The following C7 variants were observed in gnomAD, a reference collection of about 807,000 sequenced individuals.
The protein encoded by C7 is complement component C7.
A neutral mutation model predicts 104.8 loss-of-function variants in C7; 83 were observed. The ratio of observed to expected loss-of-function variants is 0.79; its 90% CI spans 0.66 to 0.95. The LOEUF is 0.95. Ranked by LOEUF, C7 falls within the 40% of genes least tolerant of loss-of-function variation. C7 has a pLI of 0.00. For synonymous variants in C7, 415 were observed against 360.6 expected (o/e 1.15, Z -1.71); for missense variants, 1,070 against 1,011.2 (o/e 1.06, Z -0.79).
chr5:40,966,005 T>A (rs1740543592), intron 14 of C7, among the ~76,000 whole-genome samples: 2 of 152,136 alleles, frequency 1.3e-5, no homozygotes, highest in Admixed American at 1.3e-4. Context: ...TCGTTAGCCA[T>A]TGGTTATATT....
In C7 at chr5:40,981,672, TCTC is replaced by T. The variant is rs2111737565; in HGVS notation, c.*101_*103del. ...TGGGCACTGGACAGCTTTTCCTTCT[TCTC>T]CAGTGTCTACCTTCCTCCTCAACTC... On this transcript the variant is annotated 3_prime_UTR_variant, in exon 18 of 18. Coordinates refer to ENST00000313164, the MANE Select transcript of C7 (RefSeq NM_000587.4). 2.4e-6 allele frequency: 2 copies of T among 817,098 alleles called. No homozygotes were observed. Among genetic ancestry groups the T allele is most frequent in the South Asian group, 4.2e-5 (2 of 48,186 alleles). 50.6% of individuals were successfully genotyped at this position (817,098 alleles called of 1,614,324 possible).
rs114886216 is a variant in C7 at position 40,976,730 on chromosome 5, T to A, written c.2075-20T>A. 2.6e-4 allele frequency: 402 copies of A among 1,554,620 alleles called. 1 individual carries two copies. In the African/African-American group the frequency reaches 5.0e-3, roughly 20 times the overall value. On this transcript the variant is annotated intron_variant, in intron 15 of 17. Transcript: ENST00000313164. ...AGAGGCTTTTCTCCTAACGACCACA[T>A]CTCCCTTATCCTTTTTTAGAAAATC...
At chr5:40,960,219 C>T (rs760416947) in intron 12 of C7, among the ~76,000 whole-genome samples, 23 of 152,040 alleles carry the variant, frequency 1.5e-4, no homozygotes, top group Non-Finnish European at 2.5e-4. Flanking sequence ...GAATCATAGC[C>T]CTGGGTCAGA....
At chr5:40,945,144 A>G in intron 6 of C7, 54 bp from the exon 7 acceptor site, 1 of 962,064 alleles carries the variant, frequency 1.0e-6, no homozygotes, top group Non-Finnish European at 1.6e-6. Flanking sequence ...AGTATGCATG[A>G]TAAAGGATCC....
Position 40,937,547 on chromosome 5 carries a change from AAC to A in C7, c.429-3_429-2del. ...TCCTCCTTCTCCTCCTCCTCCTTTT[AAC>A]AGTTACAATGAACTCACTGGCCAGT... On this transcript the variant is annotated splice_polypyrimidine_tract_variant and splice_region_variant and intron_variant, in intron 5 of 17. Transcript: ENST00000313164. 6.3e-7 allele frequency: 1 copy of A among 1,594,630 alleles called. No homozygotes were observed. Among genetic ancestry groups the A allele is most frequent in the Non-Finnish European group, 8.5e-7 (1 of 1,172,352 alleles).
intron 16 of C7, among the ~76,000 whole-genome samples, chr5:40,979,029 G>A (rs183266089): frequency 1.1e-3 from 173 of 151,520 alleles, no homozygotes; most frequent in Admixed American, 9.2e-3. Context: ...ACAGGTGTGC[G>A]CCACCACGCC....
At chr5:40,977,726 G>A (rs968540690) in intron 16 of C7, among the ~76,000 whole-genome samples, 2 of 152,208 alleles carry the variant, frequency 1.3e-5, no homozygotes, top group African/African-American at 2.4e-5. Flanking sequence ...GGAAGTCCAC[G>A]ATGTGGCCCA....
rs181595189 is a variant in C7, at chr5:40,964,804, C to G, written c.1813C>G (p.Leu605Val). ...GTACACTTGCAATGAAGGATACTCT[C>G]TTATTGGAAACCCAGTGGCCAGATG... ...VVYTCNEGYS[L>V]IGNPVARCGE... is the part of the protein sequence containing the mutation. The change falls in exon 14 of 18, where the codon CTT (leucine) becomes GTT (valine). Residue 605 changes from leucine to valine, a missense_variant. Coordinates refer to ENST00000313164, the MANE Select transcript of C7 (RefSeq NM_000587.4). 1 of 1,613,516 alleles carries G rather than the reference C, an allele frequency of 6.2e-7. No individual in the cohort carries two copies. Among genetic ancestry groups the G allele is most frequent in the East Asian group, 2.2e-5 (1 of 44,872 alleles).
intron 15 of C7, among the ~76,000 whole-genome samples, chr5:40,972,899 T>G (rs1740731056): frequency 6.6e-6 from 1 of 152,228 alleles, no homozygotes; most frequent in Non-Finnish European, 1.5e-5. Flanking sequence ...TAAAATCTGT[T>G]TTTTGTTTGT....
At chr5:40,933,694 T>A (rs1233454858) in intron 3 of C7, among the ~76,000 whole-genome samples, 1 of 152,192 alleles carries the variant, frequency 6.6e-6, no homozygotes, top group Non-Finnish European at 1.5e-5. Context: ...TTGCCTTTCT[T>A]CCTGAAGAAG....
intron 3 of C7, among the ~76,000 whole-genome samples, chr5:40,933,646 C>T (rs975204707): frequency 2.6e-5 from 4 of 152,112 alleles, no homozygotes; most frequent in South Asian, 2.1e-4. Flanking sequence ...GTAAATTTGA[C>T]TTCCATATTC....
intron 14 of C7, 91 bp downstream of exon 14, chr5:40,964,964 G>GGGCCATA: frequency 7.0e-7 from 1 of 1,423,972 alleles, no homozygotes; most frequent in Non-Finnish European, 9.8e-7. Context: ...TATGGCCCAT[G>GGGCCATA]TGTTGGCCTT....
chr5:40,946,184 C>T (rs920719412), intron 7 of C7, among the ~76,000 whole-genome samples: 3 of 151,720 alleles, frequency 2.0e-5, no homozygotes, highest in African/African-American at 7.3e-5. Flanking sequence ...TTTGAGATAC[C>T]AACATTTTTA....
At position 40,972,592 on chromosome 5, in the gene C7, A is replaced by T; in HGVS notation, c.2072A>T (p.Lys691Ile). The change falls in exon 15 of 18, where the codon AAA becomes ATA. Residue 691 changes from lysine to isoleucine, a missense_variant and splice_region_variant. Transcript: ENST00000313164. ...ATGAAGAATGCCCGCTGTGTACAAA[A>T]AGGTGAGTGGCTTCCATGTCTATCC... ...PEMKNARCVQKENPLTQAVPK... is the reference protein window; with the variant it reads ...PEMKNARCVQIENPLTQAVPK... 6.3e-7 allele frequency: 1 copy of T among 1,590,464 alleles called. No homozygotes were observed. The highest frequency in any genetic ancestry group is 8.6e-7 in the Non-Finnish European group (1 of 1,169,432).
chr5:40,936,332 G>C lies in C7; in HGVS notation c.281-6G>C, dbSNP rs1308666702. 1.9e-6 allele frequency: 3 copies of C among 1,613,028 alleles called. No homozygotes were observed. Among genetic ancestry groups the C allele is most frequent in the Non-Finnish European group, 2.5e-6 (3 of 1,179,272 alleles). ...ACATTTGCACGTGGATTTCTCTGGT[G>C]TTCAGGTCAGTGCATCAGCAAATCA... On this transcript the variant is annotated splice_region_variant and splice_polypyrimidine_tract_variant and intron_variant, in intron 4 of 17. Coordinates refer to ENST00000313164, the MANE Select transcript of C7 (RefSeq NM_000587.4).
chr5:40,981,261 A>G (rs1740934733), intron 17 of C7, 131 bp from the exon 18 acceptor site: 2 of 859,702 alleles, frequency 2.3e-6, no homozygotes, highest in African/African-American at 1.7e-5. Flanking sequence ...TTTCCAGGGG[A>G]TAATTTATTA....
chr5:40,937,541 C>T lies in C7; in HGVS notation c.429-11C>T. On this transcript the variant is annotated splice_polypyrimidine_tract_variant and intron_variant, in intron 5 of 17. Transcript: ENST00000313164. ...TTTATTTCCTCCTTCTCCTCCTCCT[C>T]CTTTTAACAGTTACAATGAACTCAC... The T allele has an allele frequency of 6.3e-7, 1 of 1,589,898 alleles. No homozygotes were observed.
chr5:40,955,156 CTT>C (rs1283410065), intron 9 of C7, among the ~76,000 whole-genome samples: 1 of 152,178 alleles, frequency 6.6e-6, no homozygotes, highest in Non-Finnish European at 1.5e-5. Context: ...CATTTAATGA[CTT>C]TTGACAAATG....
intron 4 of C7, 55 bp downstream of exon 4, chr5:40,934,521 G>T: frequency 1.3e-6 from 2 of 1,548,120 alleles, no homozygotes; most frequent in Non-Finnish European, 1.8e-6. Context: ...ACGTTATTTG[G>T]TGAACTTGCT....
Sources: allele counts gnomAD v4.1 joint callset (sites outside exome capture counted in the v4.1 genomes callset), GRCh38; gene constraint gnomAD v4.1.1; transcripts MANE v1.5; gene names NCBI Gene and HGNC (gene_info 2026-07-23, HGNC 2026-07-21).